The following TSPAN15 variants were observed in gnomAD, a reference collection of about 807,000 sequenced individuals.
The protein encoded by TSPAN15 is tetraspanin-15.
A neutral mutation model predicts 34.5 loss-of-function variants in TSPAN15; 20 were observed. The ratio of observed to expected loss-of-function variants is 0.58; its 90% CI spans 0.41 to 0.84. TSPAN15 has a LOEUF of 0.84. Among genes scored for constraint, TSPAN15 ranks in the 40% least tolerant of loss-of-function variants. The pLI is 0.00. For synonymous variants in TSPAN15, 155 were observed against 153.9 expected, an observed-to-expected ratio of 1.01 and a Z score of -0.05; for missense variants, 313 against 386.1, an observed-to-expected ratio of 0.81 and a Z score of 1.59.
intron 2 of TSPAN15, chr10:69,484,123 G>C (rs969215224): frequency 2.4e-6 from 1 of 417,054 alleles, no homozygotes; most frequent in South Asian, 7.1e-5. Context: ...GCTCAGTTGC[G>C]AGTAGGAAAA....
chr10:69,498,775 G>T (rs1028688572), intron 5 of TSPAN15, among the ~76,000 whole-genome samples: 8 of 152,222 alleles, frequency 5.3e-5, no homozygotes. Flanking sequence ...TGGGTGTCTT[G>T]CCCAAGGTTG....
the TSPAN15 span, among the ~76,000 whole-genome samples, chr10:69,548,618 T>TG: frequency 2.0e-5 from 3 of 152,086 alleles, no homozygotes; most frequent in African/African-American, 7.2e-5. Flanking sequence ...CTTGCTGAGT[T>TG]GAGGATACAA....
At chr10:69,504,091 C>T (rs1177217908) in intron 5 of TSPAN15, among the ~76,000 whole-genome samples, 2 of 152,224 alleles carry the variant, frequency 1.3e-5, no homozygotes, top group African/African-American at 4.8e-5. Flanking sequence ...CCACCCCGAC[C>T]TCTGAGACGG....
intron 2 of TSPAN15, among the ~76,000 whole-genome samples, chr10:69,484,906 C>G (rs1841818375): frequency 6.6e-6 from 1 of 152,164 alleles, no homozygotes; most frequent in South Asian, 2.1e-4. Flanking sequence ...AACCATTTGG[C>G]TGGGACAGCT....
At position 69,506,330 on chromosome 10, in the gene TSPAN15, T is replaced by C; in HGVS notation, c.735+90T>C. On this transcript the variant is annotated intron_variant, in intron 7 of 7. Coordinates refer to ENST00000373290, the MANE Select transcript of TSPAN15 (RefSeq NM_012339.5). This position sits in a 1 kb window ranked among gnomAD's most constrained non-coding sequence, Gnocchi z 4.7. ...GAGGGGAAGAGCGAAGAGGCTTTTT[T>C]CATAGAAGTCCAGGACTTGCCTGGG... 1 of 1,283,888 alleles carries C rather than the reference T, an allele frequency of 7.8e-7. No homozygotes were observed. Among genetic ancestry groups the C allele is most frequent in the Non-Finnish European group, 1.1e-6 (1 of 897,346 alleles). The allele number at this position is 1,283,888 out of a possible 1,614,324, so 79.5% of individuals were successfully genotyped here.
At chr10:69,539,535 G>T in the TSPAN15 span, among the ~76,000 whole-genome samples, 2 of 64,826 alleles carry the variant, frequency 3.1e-5, no homozygotes, top group South Asian at 4.8e-4. Flanking sequence ...AGAAGAAGAA[G>T]AAGGAGAAGG....
the TSPAN15 span, among the ~76,000 whole-genome samples, chr10:69,539,464 G>GAAGAAGAAGAAGAAT: frequency 5.8e-5 from 3 of 51,356 alleles, no homozygotes; most frequent in South Asian, 1.3e-3. Context: ...GAAGAAGAAG[G>GAAGAAGAAGAAGAAT]AGAAGGAGAA....
the TSPAN15 span, among the ~76,000 whole-genome samples, chr10:69,528,826 C>T: frequency 9.8e-3 from 1,452 of 148,174 alleles, 115 homozygotes; most frequent in African/African-American, 0.034. Flanking sequence ...CCGTCTCATG[C>T]TCAGCTCTGG....
intron 1 of TSPAN15, among the ~76,000 whole-genome samples, chr10:69,470,366 G>T (rs540203673): frequency 6.6e-6 from 1 of 152,338 alleles, no homozygotes; most frequent in African/African-American, 2.4e-5. Flanking sequence ...ATAGGCTGAT[G>T]TGAAACACCC....
At chr10:69,503,840 G>A (rs1842262950) in intron 5 of TSPAN15, among the ~76,000 whole-genome samples, 1 of 152,172 alleles carries the variant, frequency 6.6e-6, no homozygotes, top group African/African-American at 2.4e-5. Flanking sequence ...GGTTTGATGA[G>A]GTCTAGGGCG....
the TSPAN15 span, among the ~76,000 whole-genome samples, chr10:69,516,203 T>C: frequency 1.3e-5 from 2 of 152,180 alleles, no homozygotes; most frequent in African/African-American, 4.8e-5. Context: ...CATTTAGTCA[T>C]CACAGCAAAA....
chr10:69,483,246 C>T (rs1841776706), intron 1 of TSPAN15, among the ~76,000 whole-genome samples: 2 of 152,132 alleles, frequency 1.3e-5, no homozygotes, highest in South Asian at 4.1e-4. Context: ...CCTCGGCCTC[C>T]CAAAGTGCTG....
intron 1 of TSPAN15, among the ~76,000 whole-genome samples, chr10:69,464,469 T>A (rs7067610): frequency 0.46 from 70,274 of 151,914 alleles, 16,780 homozygotes; most frequent in African/African-American, 0.55. Flanking sequence ...CATGCCCTAC[T>A]GCTGGTTTCT....
At chr10:69,451,926 A>G (rs1840979689) in intron 1 of TSPAN15, among the ~76,000 whole-genome samples, 1 of 152,190 alleles carries the variant, frequency 6.6e-6, no homozygotes, top group African/African-American at 2.4e-5. Flanking sequence ...CACCTGGCTC[A>G]CCTGTGTGCA....
the TSPAN15 span, among the ~76,000 whole-genome samples, chr10:69,526,082 T>A: frequency 6.8e-6 from 1 of 146,248 alleles, no homozygotes; most frequent in African/African-American, 2.5e-5. Context: ...CGGATAAGAT[T>A]GAGAGAGTAG....
chr10:69,500,408 A>G (rs920894561), intron 5 of TSPAN15, among the ~76,000 whole-genome samples: 1 of 152,212 alleles, frequency 6.6e-6, no homozygotes, highest in Non-Finnish European at 1.5e-5. Flanking sequence ...ACAGACTAAT[A>G]CAGCAAGAGG....
intron 1 of TSPAN15, among the ~76,000 whole-genome samples, chr10:69,474,712 C>G (rs888427584): frequency 6.6e-6 from 1 of 152,090 alleles, no homozygotes; most frequent in African/African-American, 2.4e-5. Context: ...CCACTCCAGC[C>G]CACCCCACCC....
the TSPAN15 span, among the ~76,000 whole-genome samples, chr10:69,539,905 G>C: frequency 6.6e-6 from 1 of 151,760 alleles, no homozygotes; most frequent in Non-Finnish European, 1.5e-5. Flanking sequence ...TCTCACATAG[G>C]CTAGAGCTTA....
the TSPAN15 span, among the ~76,000 whole-genome samples, chr10:69,516,034 G>A: frequency 1.3e-5 from 2 of 152,212 alleles, no homozygotes; most frequent in Admixed American, 6.5e-5. Flanking sequence ...TGATCATTTT[G>A]TGAAGTTCGG....
Sources: allele counts gnomAD v4.1 joint callset (sites outside exome capture counted in the v4.1 genomes callset), GRCh38; gene constraint gnomAD v4.1.1; non-coding constraint Gnocchi (gnomAD v3.1); transcripts MANE v1.5; gene names NCBI Gene and HGNC (gene_info 2026-07-23, HGNC 2026-07-21).